Variants in MAGI1 observed in about 807,000 individuals in gnomAD.
The protein encoded by MAGI1 is membrane-associated guanylate kinase, WW and PDZ domain-containing protein 1.
In MAGI1, 58 loss-of-function variants were observed where a neutral mutation model predicts 139.9. The ratio of observed to expected loss-of-function variants is 0.41; its 90% CI spans 0.34 to 0.52. MAGI1 has a LOEUF of 0.52. Among genes scored for constraint, MAGI1 ranks in the 20% least tolerant of loss-of-function variants. The pLI is 0.12. For synonymous variants in MAGI1, 812 were observed against 737.9 expected, an observed-to-expected ratio of 1.10 and a Z score of -1.63; for missense variants, 1,874 against 1,901.6, an observed-to-expected ratio of 0.99 and a Z score of 0.27.
At chr3:65,533,255 T>C (rs1004991418) in intron 2 of MAGI1, among the ~76,000 whole-genome samples, 5 of 152,216 alleles carry the variant, frequency 3.3e-5, no homozygotes, top group Non-Finnish European at 5.9e-5. Flanking sequence ...ACTTATTGGG[T>C]GGAGACACTG....
At chr3:65,658,657 C>T (rs2086022284) in intron 1 of MAGI1, among the ~76,000 whole-genome samples, 1 of 152,088 alleles carries the variant, frequency 6.6e-6, no homozygotes, top group Non-Finnish European at 1.5e-5. Flanking sequence ...GCTGTTGGTC[C>T]CTGGACCACA....
chr3:65,681,842 G>A (rs1049678530), intron 1 of MAGI1, among the ~76,000 whole-genome samples: 1 of 152,158 alleles, frequency 6.6e-6, no homozygotes, highest in African/African-American at 2.4e-5. Context: ...TTTAATAAGA[G>A]TTTTGGCTTT....
chr3:65,397,695 A>G (rs1341197664), intron 13 of MAGI1, among the ~76,000 whole-genome samples: 1 of 152,162 alleles, frequency 6.6e-6, no homozygotes. Flanking sequence ...CACTTATTCA[A>G]TCGTGGGTGT....
At chr3:65,757,302 C>T (rs901370464) in intron 1 of MAGI1, among the ~76,000 whole-genome samples, 1 of 152,120 alleles carries the variant, frequency 6.6e-6, no homozygotes, top group Admixed American at 6.5e-5. Context: ...ACAATAAACT[C>T]CATTGTAGCT....
At chr3:65,742,540 C>T (rs1163221794) in intron 1 of MAGI1, among the ~76,000 whole-genome samples, 1 of 152,134 alleles carries the variant, frequency 6.6e-6, no homozygotes, top group Non-Finnish European at 1.5e-5. Context: ...AATAAAGACC[C>T]CAGTCGCTTT....
chr3:65,613,701 A>G (rs1023610838), intron 2 of MAGI1, among the ~76,000 whole-genome samples: 6 of 152,182 alleles, frequency 3.9e-5, no homozygotes, highest in Non-Finnish European at 5.9e-5. Context: ...AAAAGGCAAA[A>G]AATGTGCTGT....
chr3:65,584,566 G>C (rs1241644240), intron 2 of MAGI1, among the ~76,000 whole-genome samples: 2 of 152,100 alleles, frequency 1.3e-5, no homozygotes, highest in African/African-American at 4.8e-5. Context: ...AGCTCTTTTG[G>C]CCTTTGAAAA....
At chr3:65,520,725 C>T (rs1196092214) in intron 2 of MAGI1, among the ~76,000 whole-genome samples, 7 of 152,076 alleles carry the variant, frequency 4.6e-5, no homozygotes, top group African/African-American at 1.4e-4. Context: ...GAGTTATAGT[C>T]CCAGGAGAAA....
chr3:65,857,020 G>C (rs1169197702), intron 1 of MAGI1, among the ~76,000 whole-genome samples: 1 of 152,202 alleles, frequency 6.6e-6, no homozygotes, highest in Non-Finnish European at 1.5e-5. Flanking sequence ...CTGTTTACTT[G>C]ACAGGAGTTG....
chr3:65,524,510 C>G (rs1576179888), intron 2 of MAGI1, among the ~76,000 whole-genome samples: 1 of 152,136 alleles, frequency 6.6e-6, no homozygotes, highest in Non-Finnish European at 1.5e-5. Flanking sequence ...TGTCAAATTC[C>G]CAAAGCAAAT....
chr3:65,865,639 GT>G (rs1449703132), intron 1 of MAGI1, among the ~76,000 whole-genome samples: 2 of 152,008 alleles, frequency 1.3e-5, no homozygotes, highest in South Asian at 2.1e-4. Flanking sequence ...GTGTTTTTTT[GT>G]TTTGTTTTGT....
intron 1 of MAGI1, among the ~76,000 whole-genome samples, chr3:65,996,114 C>T (rs1263796296): frequency 6.6e-6 from 1 of 152,178 alleles, no homozygotes; most frequent in Non-Finnish European, 1.5e-5. Context: ...ACCCACCATT[C>T]ATTAGTTAGG....
chr3:65,989,561 G>A (rs1436119525), intron 1 of MAGI1, among the ~76,000 whole-genome samples: 1 of 152,114 alleles, frequency 6.6e-6, no homozygotes, highest in Non-Finnish European at 1.5e-5. Context: ...ATTTTGAGAT[G>A]GAGTCTAGCT....
chr3:65,459,818 G>T (rs1575829382), intron 5 of MAGI1, among the ~76,000 whole-genome samples: 1 of 152,140 alleles, frequency 6.6e-6, no homozygotes, highest in Non-Finnish European at 1.5e-5. Context: ...CAGCTACTTG[G>T]GAGGCTGAGG....
rs1044417898 is a variant in MAGI1, at chr3:66,038,489, C to G, written c.-181G>C. The G allele has an allele frequency of 1.9e-5, 17 of 876,536 alleles. No homozygotes were observed. The highest frequency in any genetic ancestry group is 1.9e-4 in the African/African-American group (11 of 57,840). The allele number at this position is 876,536 out of a possible 1,614,324, so 54.3% of individuals were successfully genotyped here. Reference sequence around the variant, plus strand: ...CTCGCGCACTCAAGCCATCATAAAACAAACTTTCTGGGCTTCCCCGCGAGC... The same window carrying G: ...CTCGCGCACTCAAGCCATCATAAAAGAAACTTTCTGGGCTTCCCCGCGAGC... On this transcript the variant is annotated 5_prime_UTR_variant, in exon 1 of 23. Coordinates refer to ENST00000402939, the MANE Select transcript of MAGI1 (RefSeq NM_001033057.2).
chr3:65,439,053 T>C lies in MAGI1; in HGVS notation c.1270+826A>G, dbSNP rs559585248. Among the ~76,000 whole-genome samples the C allele has an allele frequency of 1.1e-4, 17 of 152,282 alleles. No individual in the cohort carries two copies. In the South Asian group the frequency reaches 3.3e-3, roughly 30 times the overall value. Reference sequence around the variant, plus strand: ...ATTTGATATTCACATATTATATTGATGGGAGTATTAAGCCTATGATTCTAA... The same window carrying C: ...ATTTGATATTCACATATTATATTGACGGGAGTATTAAGCCTATGATTCTAA... On this transcript the variant is annotated intron_variant, in intron 9 of 22. Transcript: ENST00000402939.
chr3:65,442,995 A>C, intron 7 of MAGI1, 146 bp from the exon 8 acceptor site: 1 of 510,712 alleles, frequency 2.0e-6, no homozygotes, highest in East Asian at 2.9e-5. Flanking sequence ...CAAAAAAAAA[A>C]AAGTATCTAT....
chr3:65,829,357 G>A (rs1173551279), intron 1 of MAGI1, among the ~76,000 whole-genome samples: 1 of 152,166 alleles, frequency 6.6e-6, no homozygotes, highest in African/African-American at 2.4e-5. Context: ...AATACCCAGT[G>A]TGATAGTATC....
Position 65,985,870 on chromosome 3 carries a change from T to C in MAGI1, c.313+52126A>G, listed in dbSNP as rs536689826. On this transcript the variant is annotated intron_variant, in intron 1 of 22. Coordinates refer to ENST00000402939, the MANE Select transcript of MAGI1 (RefSeq NM_001033057.2). ...ACCCAAGAAAACTGGAAATAGAAAA[T>C]GGCAATTTTGAAACTAAAGCAATTA... Among the ~76,000 whole-genome samples, 9 of 152,272 alleles carry C rather than the reference T, an allele frequency of 5.9e-5. No individual in the cohort carries two copies. In the East Asian group the frequency reaches 1.7e-3, roughly 29 times the overall value.
Sources: allele counts gnomAD v4.1 joint callset (sites outside exome capture counted in the v4.1 genomes callset), GRCh38; gene constraint gnomAD v4.1.1; transcripts MANE v1.5; gene names NCBI Gene and HGNC (gene_info 2026-07-23, HGNC 2026-07-21).